MORC2: variants seen among roughly 807,000 people sequenced by gnomAD.
MORC2 encodes the protein MORC family CW-type zinc finger 2.
A neutral mutation model predicts 136.0 loss-of-function variants in MORC2; 30 were observed. The observed-to-expected ratio is 0.22, with a 90% CI of 0.17 to 0.30. MORC2 has a LOEUF of 0.30. MORC2 is among the 10% of genes least tolerant of loss of function. The pLI, the probability that MORC2 is intolerant of heterozygous loss-of-function variation, is 1.00. For missense variants in MORC2, 922 were observed against 1,333.1 expected, an observed-to-expected ratio of 0.69 and a Z score of 4.80; for synonymous variants, 439 against 487.0, an observed-to-expected ratio of 0.90 and a Z score of 1.30.
chr22:30,936,552 C>CT lies in MORC2; in HGVS notation c.1695dup (p.Glu566ArgfsTer39). 1 of 1,614,198 alleles carries CT rather than the reference C, an allele frequency of 6.2e-7. No individual in the cohort carries two copies. Among genetic ancestry groups the CT allele is most frequent in the Non-Finnish European group, 8.5e-7 (1 of 1,180,046 alleles). Reference sequence around the variant, plus strand: ...TTCTCCTGCTGCTGGCGAATTTTCTCTGTCAGTTGTTTCTGCTTCTCTTCC... The same window carrying CT: ...TTCTCCTGCTGCTGGCGAATTTTCTCTTGTCAGTTGTTTCTGCTTCTCTTCC... On this transcript the variant is annotated frameshift_variant, in exon 17 of 26. Transcript: ENST00000397641. LOFTEE classifies it high-confidence loss of function.
chr22:30,926,993 C>G, intron 25 of MORC2, 122 bp from the exon 26 acceptor site: 1 of 706,920 alleles, frequency 1.4e-6, no homozygotes, highest in Middle Eastern at 2.5e-4. Flanking sequence ...TCCCACCCCG[C>G]CCTGGATGTC....
In MORC2 at chr22:30,932,999, G is replaced by A; in HGVS notation, c.2412C>T (p.Asn804=). 6.2e-7 allele frequency: 1 copy of A among 1,614,114 alleles called. No individual in the cohort carries two copies. Among genetic ancestry groups the A allele is most frequent in the Non-Finnish European group, 8.5e-7 (1 of 1,180,022 alleles). ...TGACACGGCCCGTGTACCACTCCCT[G>A]TTCACACGCACCTCCACGTGCAGCC... ...DKGLHVEVRV[N]REWYTGRVTA... The change falls in exon 22 of 26, where the codon AAC becomes AAT. Residue 804 remains asparagine, a synonymous_variant. Coordinates refer to ENST00000397641, the MANE Select transcript of MORC2 (RefSeq NM_001303256.3). The surrounding 1 kb of genome is among the most constrained non-coding windows in gnomAD (Gnocchi z 4.4).
In MORC2 at chr22:30,956,755, T is replaced by G; in HGVS notation, c.157+8A>C. The G allele has an allele frequency of 6.5e-7, 1 of 1,541,074 alleles. No homozygotes were observed. Among genetic ancestry groups the G allele is most frequent in the Non-Finnish European group, 8.8e-7 (1 of 1,138,906 alleles). On this transcript the variant is annotated splice_region_variant and intron_variant, in intron 3 of 25. Transcript: ENST00000397641. ...ACTAGACATTAGAAGGACTAAAGCC[T>G]GACTTACCTGCATAAATATCTATTC...
chr22:30,939,872 A>C, intron 11 of MORC2, 87 bp downstream of exon 11: 1 of 1,443,676 alleles, frequency 6.9e-7, no homozygotes, highest in Non-Finnish European at 9.5e-7. Flanking sequence ...CAAACTCAAA[A>C]GCTGTGTTTT....
intron 5 of MORC2, among the ~76,000 whole-genome samples, chr22:30,949,269 T>G (rs561205364): frequency 1.1e-4 from 16 of 152,328 alleles, no homozygotes; most frequent in African/African-American, 3.8e-4. Flanking sequence ...ATAAGGGCCT[T>G]GCAGTACATT....
intron 3 of MORC2, among the ~76,000 whole-genome samples, chr22:30,956,176 GAGA>G (rs1210605361): frequency 3.9e-5 from 6 of 152,102 alleles, no homozygotes; most frequent in East Asian, 3.8e-4. Context: ...CTAGGAAAAG[GAGA>G]AGATCTTACT....
rs2040667273 is a variant in MORC2, at chr22:30,937,191, A to C, written c.1499-154T>G. Among the ~76,000 whole-genome samples, 1 of 152,192 alleles carries C rather than the reference A, an allele frequency of 6.6e-6. No individual in the cohort carries two copies. Among genetic ancestry groups the C allele is most frequent in the Non-Finnish European group, 1.5e-5 (1 of 68,044 alleles). ...CTCTGCCTATCCTTAGAGAATACTAATTCTTCTCAGGGACACTGATTCCAG... is the reference window on the plus strand; with the variant it reads ...CTCTGCCTATCCTTAGAGAATACTACTTCTTCTCAGGGACACTGATTCCAG... On this transcript the variant is annotated intron_variant, in intron 15 of 25. Coordinates refer to ENST00000397641, the MANE Select transcript of MORC2 (RefSeq NM_001303256.3). This position sits in a 1 kb window ranked among gnomAD's most constrained non-coding sequence, Gnocchi z 4.7.
Position 30,934,976 on chromosome 22 carries a change from C to A in MORC2, c.1998G>T (p.Arg666Ser), listed in dbSNP as rs1413491250. The A allele has an allele frequency of 6.2e-7, 1 of 1,614,032 alleles. No homozygotes were observed. The highest frequency in any genetic ancestry group is 1.1e-5 in the South Asian group (1 of 91,064). Reference sequence around the variant, plus strand: ...GGGGTGCCTCAGGTGGCTGGAGCAGCCTAGATGTGCTGGCCTCCTCCCGGG... The same window carrying A: ...GGGGTGCCTCAGGTGGCTGGAGCAGACTAGATGTGCTGGCCTCCTCCCGGG... ...LAAREEASTS[R>S]LLQPPEAPRK... Residue 666 changes from arginine (R) to serine (S), a missense_variant, in exon 19 of 26, where the codon AGG (arginine) becomes AGT (serine). Around this residue, in one of 9 missense-constraint regions of MORC2, gnomAD observed 184 missense variants for 180.3 expected, o/e 1.02. Transcript: ENST00000397641. This position sits in a 1 kb window ranked among gnomAD's most constrained non-coding sequence, Gnocchi z 4.4.
At chr22:30,938,394 A>C (rs534138094) in intron 12 of MORC2, among the ~76,000 whole-genome samples, 189 bp from the exon 13 acceptor site, 1 of 152,186 alleles carries the variant, frequency 6.6e-6, no homozygotes, top group African/African-American at 2.4e-5. Flanking sequence ...ATCCCTAATT[A>C]AAAACATGAG....
chr22:30,967,483 C>T (rs995325607), intron 1 of MORC2: 204 of 1,076,126 alleles, frequency 1.9e-4, no homozygotes, highest in Middle Eastern at 4.4e-4. Context: ...ACGGTTGATA[C>T]TAAAATAGTC....
intron 25 of MORC2, 97 bp from the exon 26 acceptor site, chr22:30,926,968 GT>G: frequency 9.8e-7 from 1 of 1,024,926 alleles, no homozygotes; most frequent in East Asian, 2.5e-5. Flanking sequence ...GGAGCCCAGA[GT>G]CCTCTCCCTG....
chr22:30,956,251 C>T (rs897575203), intron 3 of MORC2, among the ~76,000 whole-genome samples: 2 of 152,140 alleles, frequency 1.3e-5, no homozygotes, highest in Non-Finnish European at 2.9e-5. Flanking sequence ...AAATTCCAAG[C>T]CAAGCAGCCT....
intron 3 of MORC2, among the ~76,000 whole-genome samples, chr22:30,953,968 A>G (rs1350959380): frequency 6.6e-6 from 1 of 152,154 alleles, no homozygotes; most frequent in Non-Finnish European, 1.5e-5. Flanking sequence ...GAGATAAGAA[A>G]ATACTTTCCC....
At chr22:30,939,559 G>A in intron 12 of MORC2, 62 bp downstream of exon 12, 15 of 1,531,054 alleles carry the variant, frequency 9.8e-6, no homozygotes, top group Non-Finnish European at 1.3e-5. Flanking sequence ...ATAGCAACCT[G>A]TCAATAATCA....
At chr22:30,927,553 C>CT (rs752949265) in intron 25 of MORC2, among the ~76,000 whole-genome samples, 9 of 152,212 alleles carry the variant, frequency 5.9e-5, no homozygotes, top group Non-Finnish European at 1.3e-4. Flanking sequence ...GAACCACCAT[C>CT]AGTAATTCTC....
Position 30,967,979 on chromosome 22 carries a change from G to T in MORC2, c.-90C>A. ...ATTTCCCAGGATTCTGTCCAGTAAA[G>T]CTTCAGTAAGTCTGTGCTCCTTAAT... On this transcript the variant is annotated 5_prime_UTR_variant, in exon 1 of 26. Coordinates refer to ENST00000397641, the MANE Select transcript of MORC2 (RefSeq NM_001303256.3). The T allele has an allele frequency of 8.7e-7, 1 of 1,149,740 alleles. No individual in the cohort carries two copies. The highest frequency in any genetic ancestry group is 1.3e-6 in the Non-Finnish European group (1 of 784,330). 71.2% of individuals were successfully genotyped at this position (1,149,740 alleles called of 1,614,324 possible).
rs1405133799 is a variant in MORC2, at chr22:30,932,756, T to G, written c.2536A>C (p.Ser846Arg). The G allele has an allele frequency of 3.1e-6, 5 of 1,614,168 alleles. No individual in the cohort carries two copies. In the South Asian group the frequency reaches 5.5e-5, roughly 18 times the overall value. Residue 846 changes from serine (S) to arginine (R), a missense_variant, in exon 23 of 26, where the codon AGT becomes CGT. Coordinates refer to ENST00000397641, the MANE Select transcript of MORC2 (RefSeq NM_001303256.3). The surrounding 1 kb of genome is among the most constrained non-coding windows in gnomAD (Gnocchi z 4.4). ...GGTTTCATCAGCCGCACATCCTCAC[T>G]GCCTTTCTCCACCCTGTGGAAGACA... The part of the protein sequence containing the change: ...TPRDRWVEKG[S>R]EDVRLMKPPS...
chr22:30,950,338 C>CTGGGG, intron 4 of MORC2, 39 bp downstream of exon 4: 1 of 695,184 alleles, frequency 1.4e-6, no homozygotes, highest in Non-Finnish European at 2.6e-6. Context: ...GGTTACATCG[C>CTGGGG]ACCCCCCCAC....
intron 6 of MORC2, among the ~76,000 whole-genome samples, chr22:30,946,103 A>G (rs1368624183): frequency 1.3e-5 from 2 of 152,178 alleles, no homozygotes; most frequent in African/African-American, 4.8e-5. Context: ...TGACAGTCTC[A>G]TTCTCGGAAA....
Sources: gnomAD v4.1 joint callset for allele counts (sites outside exome capture counted in the v4.1 genomes callset) on GRCh38, gnomAD v4.1.1 for gene constraint, gnomAD v4.1.1 regional missense constraint, Gnocchi (gnomAD v3.1) non-coding constraint, MANE v1.5 for transcripts, NCBI Gene and HGNC (gene_info 2026-07-23, HGNC 2026-07-21) for gene names.